GRIA1: variants seen among roughly 807,000 people sequenced by gnomAD.
GRIA1 encodes glutamate receptor 1.
GRIA1 carries 31 observed loss-of-function variants against 99.2 expected under a neutral mutation model. The observed-to-expected ratio is 0.31, with a 90% CI of 0.23 to 0.42. The LOEUF is 0.42. Among genes scored for constraint, GRIA1 ranks in the 10% least tolerant of loss-of-function variants. The pLI, the probability that GRIA1 is intolerant of heterozygous loss-of-function variation, is 1.00. For missense variants in GRIA1, 782 were observed against 1,157.5 expected, an observed-to-expected ratio of 0.68 and a Z score of 4.71; for synonymous variants, 438 against 432.4, an observed-to-expected ratio of 1.01 and a Z score of -0.16.
chr5:153,723,344 A>G (rs1000945277), intron 11 of GRIA1, among the ~76,000 whole-genome samples: 3 of 152,206 alleles, frequency 2.0e-5, no homozygotes, highest in African/African-American at 7.2e-5. Context: ...CTGCATTTCC[A>G]TCTGAGGTAC....
intron 2 of GRIA1, among the ~76,000 whole-genome samples, chr5:153,541,010 C>A (rs2113487567): frequency 6.6e-6 from 1 of 152,264 alleles, no homozygotes; most frequent in Non-Finnish European, 1.5e-5. Context: ...CCCGGGAGGT[C>A]ACAATTCCCA....
Position 153,728,782 on chromosome 5 carries a change from G to T in GRIA1, c.1823+22715G>T, listed in dbSNP as rs1281438881. Among the ~76,000 whole-genome samples the T allele has an allele frequency of 6.1e-5, 6 of 98,118 alleles. 2 individuals carry two copies. The East Asian group carries it at 4.7e-3, about 77-fold the overall frequency. The allele number at this position is 98,118 out of a possible 152,430, so 64.4% of individuals were successfully genotyped here. The stretch of plus-strand genomic sequence containing the variant: ...GAAATAGGAACAGGTTTACACTGTT[G>T]GTTGGACTGTAAACTAGTTCAACCA... On this transcript the variant is annotated intron_variant, in intron 11 of 15. Transcript: ENST00000285900.
At chr5:153,641,708 C>A (rs1753789814) in intron 2 of GRIA1, among the ~76,000 whole-genome samples, 1 of 152,162 alleles carries the variant, frequency 6.6e-6, no homozygotes. Flanking sequence ...GTAACTGTAC[C>A]AAAACCTCTC....
chr5:153,794,380 A>T (rs1765503063), intron 13 of GRIA1, among the ~76,000 whole-genome samples: 1 of 152,214 alleles, frequency 6.6e-6, no homozygotes, highest in South Asian at 2.1e-4. Context: ...CTTTCAAAAT[A>T]CCCAACTTCT....
intron 13 of GRIA1, among the ~76,000 whole-genome samples, chr5:153,787,652 G>T: frequency 6.6e-6 from 1 of 152,276 alleles, no homozygotes; most frequent in East Asian, 1.9e-4. Context: ...ATAGCCATCC[G>T]TATATGAATG....
rs3749656 is a variant in GRIA1, at chr5:153,655,405, C to T, written c.646-414C>T. Among the ~76,000 whole-genome samples, 17 of 152,286 alleles carry T rather than the reference C, an allele frequency of 1.1e-4. No individual in the cohort carries two copies. The East Asian group carries it at 3.1e-3, about 28-fold the overall frequency. On this transcript the variant is annotated intron_variant, in intron 4 of 15. Coordinates refer to ENST00000285900, the MANE Select transcript of GRIA1 (RefSeq NM_000827.4). ...TGTTTTTCCAATCAGCGAATATTGT[C>T]ATGACAGATTTCATGCAACATAAAA...
chr5:153,635,204 C>T (rs1242900292), intron 2 of GRIA1, among the ~76,000 whole-genome samples: 1 of 152,122 alleles, frequency 6.6e-6, no homozygotes, highest in African/African-American at 2.4e-5. Context: ...TTTTTTCTGC[C>T]ACTCACCCAA....
intron 2 of GRIA1, among the ~76,000 whole-genome samples, chr5:153,543,380 T>C: frequency 6.6e-6 from 1 of 152,240 alleles, no homozygotes; most frequent in Non-Finnish European, 1.5e-5. Context: ...TACTTGCATA[T>C]ATCTAATTTC....
chr5:153,669,420 T>C (rs2149479851), intron 5 of GRIA1, among the ~76,000 whole-genome samples: 1 of 152,262 alleles, frequency 6.6e-6, no homozygotes, highest in South Asian at 2.1e-4. Flanking sequence ...ACAGCACCAG[T>C]GTGCTTTAAT....
chr5:153,599,995 G>A (rs1158751752), intron 2 of GRIA1, among the ~76,000 whole-genome samples: 1 of 152,122 alleles, frequency 6.6e-6, no homozygotes, highest in Non-Finnish European at 1.5e-5. Context: ...GATGAAGCCC[G>A]CTAGATAAGG....
At chr5:153,595,834 G>A (rs1411429228) in intron 2 of GRIA1, among the ~76,000 whole-genome samples, 4 of 150,688 alleles carry the variant, frequency 2.7e-5, no homozygotes, top group African/African-American at 7.3e-5. Context: ...AACTAACAAA[G>A]TGCTAGACAC....
intron 12 of GRIA1, among the ~76,000 whole-genome samples, chr5:153,766,148 G>A (rs1410227686): frequency 1.3e-5 from 2 of 152,144 alleles, no homozygotes; most frequent in African/African-American, 2.4e-5. Flanking sequence ...TAACTCCAAG[G>A]CTAAAATCAT....
At chr5:153,800,603 G>T (rs1428252602) in intron 14 of GRIA1, among the ~76,000 whole-genome samples, 1 of 152,194 alleles carries the variant, frequency 6.6e-6, no homozygotes, top group Non-Finnish European at 1.5e-5. Flanking sequence ...AGAGCCATCT[G>T]CTTTAGCAAT....
At chr5:153,531,147 G>A (rs898428836) in intron 2 of GRIA1, among the ~76,000 whole-genome samples, 1 of 152,182 alleles carries the variant, frequency 6.6e-6, no homozygotes, top group Non-Finnish European at 1.5e-5. Flanking sequence ...ATTCTAGGCA[G>A]AGGGAACTTC....
At chr5:153,494,177 G>C in intron 2 of GRIA1, 112 bp downstream of exon 2, 3 of 1,166,440 alleles carry the variant, frequency 2.6e-6, no homozygotes, top group South Asian at 2.9e-5. Flanking sequence ...ATTCGTCTTT[G>C]TAAGAGAAAG....
In GRIA1 at chr5:153,495,299, G is replaced by A. The variant is rs115047302; in HGVS notation, c.220+1234G>A. On this transcript the variant is annotated intron_variant, in intron 2 of 15. Transcript: ENST00000285900. Reference sequence around the variant, plus strand: ...TGCACTAATTGCTTTTTATGTGTTAGCTCATTTAATCCTCACAGGAGCTTT... The same window carrying A: ...TGCACTAATTGCTTTTTATGTGTTAACTCATTTAATCCTCACAGGAGCTTT... 8.6e-3 allele frequency among the ~76,000 whole-genome samples: 1,315 copies of A among 152,274 alleles called. 8 individuals are homozygous for A. The highest frequency in any genetic ancestry group is 0.012 in the Non-Finnish European group (822 of 67,998).
chr5:153,807,104 C>A (rs1306764590), intron 15 of GRIA1, among the ~76,000 whole-genome samples: 3 of 152,252 alleles, frequency 2.0e-5, no homozygotes, highest in African/African-American at 7.2e-5. Context: ...TTCCCCTCAT[C>A]TGACTGACTA....
At chr5:153,492,164 G>A (rs1753974573) in intron 1 of GRIA1, 2 of 1,501,758 alleles carry the variant, frequency 1.3e-6, no homozygotes, top group Non-Finnish European at 1.8e-6. Context: ...TGTTTGAGGG[G>A]GGATGTGGTG....
chr5:153,693,805 C>A (rs1471819647), intron 8 of GRIA1, among the ~76,000 whole-genome samples: 2 of 152,190 alleles, frequency 1.3e-5, no homozygotes, highest in East Asian at 3.8e-4. Flanking sequence ...TCCTGCATAT[C>A]CTCAGTAGAG....
Sources: gnomAD v4.1 joint callset for allele counts (sites outside exome capture counted in the v4.1 genomes callset) on GRCh38, gnomAD v4.1.1 for gene constraint, MANE v1.5 for transcripts, NCBI Gene and HGNC (gene_info 2026-07-23, HGNC 2026-07-21) for gene names.